Variants in LRRTM3 observed in about 807,000 individuals in gnomAD.
LRRTM3 encodes the protein leucine rich repeat transmembrane neuronal 3.
In LRRTM3, 24 loss-of-function variants were observed where a neutral mutation model predicts 44.7. The observed-to-expected ratio is 0.54, with a 90% CI of 0.39 to 0.76. The LOEUF (loss-of-function observed/expected upper bound fraction) is 0.76, where lower values mean the gene tolerates loss of function less well. Among genes scored for constraint, LRRTM3 ranks in the 30% least tolerant of loss-of-function variants. The probability of loss-of-function intolerance (pLI) is 0.00; values close to 1 mark genes in which losing one functional copy is unlikely to be tolerated. For missense variants in LRRTM3, 587 were observed against 702.2 expected, an observed-to-expected ratio of 0.84 and a Z score of 1.85; for synonymous variants, 277 against 278.7, an observed-to-expected ratio of 0.99 and a Z score of 0.06.
At chr10:67,083,344 A>G (rs1001780615) in intron 2 of LRRTM3, among the ~76,000 whole-genome samples, 1 of 152,074 alleles carries the variant, frequency 6.6e-6, no homozygotes, top group African/African-American at 2.4e-5. Flanking sequence ...AACAGTTCCA[A>G]TCAGTTATTC....
intron 2 of LRRTM3, among the ~76,000 whole-genome samples, chr10:66,951,932 A>G (rs1481400285): frequency 2.0e-5 from 3 of 152,190 alleles, no homozygotes; most frequent in African/African-American, 7.2e-5. Context: ...TTTAATGGAC[A>G]TAAGACCCTG....
At chr10:67,026,893 T>G (rs1770032743) in intron 2 of LRRTM3, among the ~76,000 whole-genome samples, 1 of 152,156 alleles carries the variant, frequency 6.6e-6, no homozygotes, top group Admixed American at 6.5e-5. Flanking sequence ...CTCTGAGAGG[T>G]TGTAATTTAA....
rs1406050509 is a variant in LRRTM3, at chr10:67,097,935, T to G, written c.*139T>G. 2.3e-5 allele frequency: 16 copies of G among 698,700 alleles called. No individual in the cohort carries two copies. The highest frequency in any genetic ancestry group is 8.4e-5 in the Admixed American group (3 of 35,648). 43.3% of individuals were successfully genotyped at this position (698,700 alleles called of 1,614,324 possible). On this transcript the variant is annotated 3_prime_UTR_variant, in exon 3 of 3. Coordinates refer to ENST00000361320, the MANE Select transcript of LRRTM3 (RefSeq NM_178011.5). ...TTCAAATAAACAAAAAATCCAAGAT[T>G]GATTCATGAAATAAAGAAGACATGA...
At chr10:67,028,981 A>G (rs1173248460) in intron 2 of LRRTM3, among the ~76,000 whole-genome samples, 1 of 152,198 alleles carries the variant, frequency 6.6e-6, no homozygotes, top group Admixed American at 6.5e-5. Context: ...ATCAACAGCA[A>G]TCATATCGCA....
At chr10:67,025,745 C>T (rs1202824746) in intron 2 of LRRTM3, among the ~76,000 whole-genome samples, 2 of 151,902 alleles carry the variant, frequency 1.3e-5, no homozygotes, top group East Asian at 1.9e-4. Context: ...GTTATAATGC[C>T]CATTAACATA....
intron 2 of LRRTM3, among the ~76,000 whole-genome samples, chr10:66,981,693 C>T (rs1850451257): frequency 6.6e-6 from 1 of 152,216 alleles, no homozygotes; most frequent in South Asian, 2.1e-4. Context: ...TGCAAGACAT[C>T]AAATGGATGG....
At chr10:66,966,194 T>C (rs1191220329) in intron 2 of LRRTM3, among the ~76,000 whole-genome samples, 1 of 152,186 alleles carries the variant, frequency 6.6e-6, no homozygotes, top group Non-Finnish European at 1.5e-5. Context: ...ATTTTAACCA[T>C]CAGCATTAAT....
chr10:67,024,733 C>A (rs1301821572), intron 2 of LRRTM3, among the ~76,000 whole-genome samples: 2 of 152,068 alleles, frequency 1.3e-5, no homozygotes, highest in African/African-American at 2.4e-5. Flanking sequence ...TTTGGAAGGA[C>A]CTTCAGAGCC....
chr10:67,011,202 G>A (rs755943501), intron 2 of LRRTM3, among the ~76,000 whole-genome samples: 8 of 152,012 alleles, frequency 5.3e-5, no homozygotes, highest in Non-Finnish European at 1.2e-4. Flanking sequence ...TTAGCCGGGT[G>A]TGGTGGTATG....
chr10:66,956,924 T>G (rs750355234), intron 2 of LRRTM3, among the ~76,000 whole-genome samples: 3 of 152,158 alleles, frequency 2.0e-5, no homozygotes, highest in Non-Finnish European at 4.4e-5. Context: ...AATTATGTAG[T>G]AAGTGCACAG....
At chr10:67,035,057 A>G (rs937559846) in intron 2 of LRRTM3, among the ~76,000 whole-genome samples, 3 of 152,210 alleles carry the variant, frequency 2.0e-5, no homozygotes, top group Middle Eastern at 3.2e-3. Flanking sequence ...ACTGTATTTT[A>G]TGAATACTGA....
chr10:67,006,384 CT>C (rs1019465450), intron 2 of LRRTM3, among the ~76,000 whole-genome samples: 6 of 152,156 alleles, frequency 3.9e-5, no homozygotes, highest in African/African-American at 1.2e-4. Context: ...ATCTATCCCC[CT>C]CCACCCCTTC....
intron 2 of LRRTM3, among the ~76,000 whole-genome samples, chr10:67,088,886 TA>T (rs1455801126): frequency 6.6e-6 from 1 of 151,910 alleles, no homozygotes. Flanking sequence ...TAAACTCAAC[TA>T]ACTGCAAATT....
chr10:67,022,869 C>T (rs533545275), intron 2 of LRRTM3, among the ~76,000 whole-genome samples: 6 of 151,986 alleles, frequency 3.9e-5, no homozygotes, highest in South Asian at 2.1e-4. Context: ...ACCCGGGTGG[C>T]GGAGGTTGCA....
At position 67,064,964 on chromosome 10, in the gene LRRTM3, C is replaced by A. The variant is rs144036114; in HGVS notation, c.1537-32623C>A. ...AAGAAAATGCATGTAACTGCCCAGA[C>A]CCTCCTTGGAGTTATAAAAGAGCCA... On this transcript the variant is annotated intron_variant, in intron 2 of 2. Coordinates refer to ENST00000361320, the MANE Select transcript of LRRTM3 (RefSeq NM_178011.5). 7.0e-3 allele frequency among the ~76,000 whole-genome samples: 1,059 copies of A among 152,240 alleles called. 16 individuals are homozygous for A. The highest frequency in any genetic ancestry group is 0.024 in the African/African-American group (1,015 of 41,524).
At chr10:66,966,880 C>T (rs1849446752) in intron 2 of LRRTM3, among the ~76,000 whole-genome samples, 1 of 152,072 alleles carries the variant, frequency 6.6e-6, no homozygotes, top group South Asian at 2.1e-4. Flanking sequence ...TGTTTAGTAG[C>T]TTTTCCCATA....
chr10:67,061,314 T>C (rs1381213447), intron 2 of LRRTM3, among the ~76,000 whole-genome samples: 1 of 152,194 alleles, frequency 6.6e-6, no homozygotes, highest in East Asian at 1.9e-4. Context: ...CAGGTGCATA[T>C]TGCTACACCA....
chr10:67,097,404 T>G (rs1051455532), intron 2 of LRRTM3, among the ~76,000 whole-genome samples, 183 bp from the exon 3 acceptor site: 1 of 151,878 alleles, frequency 6.6e-6, no homozygotes, highest in Non-Finnish European at 1.5e-5. Context: ...GATTTAAAAC[T>G]GTTGCACTGA....
chr10:67,028,728 C>T (rs1417782570), intron 2 of LRRTM3, among the ~76,000 whole-genome samples: 2 of 150,608 alleles, frequency 1.3e-5, no homozygotes, highest in African/African-American at 2.4e-5. Context: ...AAATCTAAAA[C>T]GATTAAGGTC....
Sources: allele counts gnomAD v4.1 joint callset (sites outside exome capture counted in the v4.1 genomes callset), GRCh38; gene constraint gnomAD v4.1.1; transcripts MANE v1.5; gene names NCBI Gene and HGNC (gene_info 2026-07-23, HGNC 2026-07-21).